ACTR3C: variants seen among roughly 807,000 people sequenced by gnomAD.
ACTR3C encodes the protein actin-related protein 3C.
A neutral mutation model predicts 26.3 loss-of-function variants in ACTR3C; 18 were observed. The observed-to-expected ratio is 0.68, with a 90% CI of 0.47 to 1.01. ACTR3C has a LOEUF of 1.01. ACTR3C is among the 50% of genes least tolerant of loss of function. The pLI is 0.00. For synonymous variants in ACTR3C, 55 were observed against 94.5 expected (o/e 0.58, Z 2.42); for missense variants, 184 against 250.7 (o/e 0.73, Z 1.80).
At chr7:150,178,950 G>A in the ACTR3C span, among the ~76,000 whole-genome samples, 1 of 150,244 alleles carries the variant, frequency 6.7e-6, no homozygotes, top group Non-Finnish European at 1.5e-5. Flanking sequence ...CATTCAGTTG[G>A]CAGCAGCAGA....
At chr7:150,117,041 G>T in the ACTR3C span, among the ~76,000 whole-genome samples, 549 of 152,320 alleles carry the variant, frequency 3.6e-3, 3 homozygotes, top group African/African-American at 0.012. Flanking sequence ...GAGGGACAAT[G>T]CTATCCAGCC....
At chr7:150,037,856 C>T in the ACTR3C span, among the ~76,000 whole-genome samples, 18 of 97,678 alleles carry the variant, frequency 1.8e-4, no homozygotes, top group African/African-American at 6.8e-4. Context: ...TGCCTCCGCC[C>T]CCAGCGATGG....
At chr7:149,968,287 T>C in the ACTR3C span, among the ~76,000 whole-genome samples, 1 of 152,228 alleles carries the variant, frequency 6.6e-6, no homozygotes, top group African/African-American at 2.4e-5. Flanking sequence ...GTCTCACGCC[T>C]GTAATCCCAG....
At chr7:150,314,023 T>C (rs1796575280) in intron 1 of ACTR3C, among the ~76,000 whole-genome samples, 1 of 152,224 alleles carries the variant, frequency 6.6e-6, no homozygotes, top group Non-Finnish European at 1.5e-5. Context: ...AGCACAGTAC[T>C]GGACCCATAT....
chr7:150,145,259 G>A, the ACTR3C span, among the ~76,000 whole-genome samples: 3 of 152,110 alleles, frequency 2.0e-5, no homozygotes, highest in African/African-American at 7.2e-5. Flanking sequence ...TTTAGCTAGT[G>A]AAGACCTGAA....
chr7:150,089,388 T>C, the ACTR3C span, among the ~76,000 whole-genome samples: 2 of 152,204 alleles, frequency 1.3e-5, no homozygotes, highest in Non-Finnish European at 2.9e-5. Flanking sequence ...TCATTTTTCA[T>C]TGCTAGAAAG....
chr7:150,304,128 G>T (rs1370133068), intron 1 of ACTR3C, among the ~76,000 whole-genome samples: 1 of 152,194 alleles, frequency 6.6e-6, no homozygotes, highest in Non-Finnish European at 1.5e-5. Flanking sequence ...CTGGAAGCTG[G>T]AAAGTACGTG....
the ACTR3C span, among the ~76,000 whole-genome samples, chr7:150,180,553 C>T: frequency 7.0e-6 from 1 of 142,148 alleles, no homozygotes; most frequent in Non-Finnish European, 1.5e-5. Context: ...CGCTCTGTCG[C>T]CCAGGCTGGA....
chr7:150,011,450 T>C, the ACTR3C span, among the ~76,000 whole-genome samples: 1 of 152,106 alleles, frequency 6.6e-6, no homozygotes, highest in Admixed American at 6.6e-5. Flanking sequence ...CCAGGCATGA[T>C]GGTGAGCGCC....
At chr7:150,294,269 G>A (rs1011032318) in intron 2 of ACTR3C, among the ~76,000 whole-genome samples, 1 of 152,224 alleles carries the variant, frequency 6.6e-6, no homozygotes, top group Non-Finnish European at 1.5e-5. Flanking sequence ...GTGGGCAGAG[G>A]CCAGGGATGC....
chr7:150,094,366 C>G, the ACTR3C span, among the ~76,000 whole-genome samples: 62,907 of 148,634 alleles, frequency 0.42, 15,378 homozygotes, highest in East Asian at 0.69. Context: ...TCTGGCCCTC[C>G]CTAGACATAA....
At chr7:150,115,015 G>GTTCAT in the ACTR3C span, among the ~76,000 whole-genome samples, 36 of 152,056 alleles carry the variant, frequency 2.4e-4, no homozygotes, top group African/African-American at 8.7e-4. Flanking sequence ...GATACAGAAA[G>GTTCAT]TTCATTTCTC....
At chr7:149,911,024 C>G in the ACTR3C span, among the ~76,000 whole-genome samples, 1 of 152,086 alleles carries the variant, frequency 6.6e-6, no homozygotes, top group Admixed American at 6.5e-5. Flanking sequence ...AACTCAAGAG[C>G]TGGAAACAGA....
chr7:150,047,789 CG>C, the ACTR3C span: 5 of 1,527,834 alleles, frequency 3.3e-6, no homozygotes, highest in Admixed American at 2.0e-5. Context: ...GACTCGCCTC[CG>C]GGGGCGTGGG....
chr7:150,305,744 A>C (rs1479515647), intron 1 of ACTR3C, among the ~76,000 whole-genome samples: 3 of 152,280 alleles, frequency 2.0e-5, no homozygotes, highest in South Asian at 4.2e-4. Flanking sequence ...TGCTCAGTCC[A>C]CATAACCGGT....
the ACTR3C span, among the ~76,000 whole-genome samples, chr7:149,984,840 A>C: frequency 6.6e-6 from 1 of 152,282 alleles, no homozygotes; most frequent in East Asian, 1.9e-4. Context: ...GGGGGAGTAA[A>C]GGAGGGCAAA....
At chr7:150,285,951 G>A (rs1368555194) in intron 5 of ACTR3C, among the ~76,000 whole-genome samples, 3 of 152,098 alleles carry the variant, frequency 2.0e-5, no homozygotes, top group African/African-American at 4.8e-5. Flanking sequence ...ACTGTCCAGG[G>A]TTAAAATTAG....
chr7:150,002,817 T>C, the ACTR3C span: 2 of 152,192 alleles, frequency 1.3e-5, no homozygotes, highest in Non-Finnish European at 2.9e-5. Context: ...CATTCTTCTA[T>C]GCCAGCAGGA....
At chr7:150,065,550 AG>A in the ACTR3C span, among the ~76,000 whole-genome samples, 1 of 152,334 alleles carries the variant, frequency 6.6e-6, no homozygotes, top group East Asian at 1.9e-4. Flanking sequence ...GGAAAGTTAA[AG>A]GCTTTACCCT....
Sources: gnomAD v4.1 joint callset for allele counts (sites outside exome capture counted in the v4.1 genomes callset) on GRCh38, gnomAD v4.1.1 for gene constraint, MANE v1.5 for transcripts, NCBI Gene and HGNC (gene_info 2026-07-23, HGNC 2026-07-21) for gene names.